Variants in XIAP observed in about 807,000 individuals in gnomAD.
XIAP encodes the protein E3 ubiquitin-protein ligase XIAP.
Under a neutral mutation model 33.1 loss-of-function variants are expected in XIAP, and 3 were observed. That is an observed-to-expected ratio of 0.09 (90% CI 0.04 to 0.23). XIAP has a LOEUF of 0.23. Ranked by LOEUF, XIAP falls within the 10% of genes least tolerant of loss-of-function variation. The pLI is 1.00. For synonymous variants in XIAP, 98 were observed against 121.3 expected (o/e 0.81, Z 1.26); for missense variants, 264 against 363.0 (o/e 0.73, Z 2.22).
intron 1 of XIAP, among the ~76,000 whole-genome samples, chrX:123,876,096 C>G (rs1202493398): frequency 1.8e-5 from 2 of 111,642 alleles, no homozygotes; most frequent in Non-Finnish European, 3.8e-5. Flanking sequence ...TCACTGTAAC[C>G]TGGAATTCCT....
At chrX:123,871,887 G>C (rs1366302942) in intron 1 of XIAP, among the ~76,000 whole-genome samples, 6 of 110,406 alleles carry the variant, frequency 5.4e-5, no homozygotes, top group Non-Finnish European at 1.1e-4. Context: ...AGGATCACGA[G>C]GTCAGGAGAT....
At chrX:123,860,700 A>G (rs973191112) in intron 1 of XIAP, among the ~76,000 whole-genome samples, 2 of 112,379 alleles carry the variant, frequency 1.8e-5, no homozygotes, top group East Asian at 5.6e-4. Context: ...GGAAGAGGAA[A>G]TTAGCTGGTG....
At chrX:123,861,844 C>T (rs960766504) in intron 1 of XIAP, among the ~76,000 whole-genome samples, 3 of 111,538 alleles carry the variant, frequency 2.7e-5, no homozygotes, top group African/African-American at 6.5e-5. Flanking sequence ...ATTGGATACT[C>T]ATGTTTCGTT....
chrX:123,913,464 C>T lies in XIAP; in HGVS notation c.*6283C>T, dbSNP rs2053625771. 1 of 327,047 alleles carries T rather than the reference C, an allele frequency of 3.1e-6. No homozygotes were observed. Among genetic ancestry groups the T allele is most frequent in the Admixed American group, 3.1e-5 (1 of 31,915 alleles). 27.0% of individuals were successfully genotyped at this position (327,047 alleles called of 1,213,427 possible). A position where few individuals can be genotyped will look rare whatever the true frequency, so the allele number is the denominator to read the frequency against. ...CAGCCTAGGTGATAGAGTGAGACTCCCTCTCAAAAACAAAACAAAACAAAA... is the reference window on the plus strand; with the variant it reads ...CAGCCTAGGTGATAGAGTGAGACTCTCTCTCAAAAACAAAACAAAACAAAA... On this transcript the variant is annotated 3_prime_UTR_variant, in exon 7 of 7. Transcript: ENST00000371199.
At position 123,878,381 on chromosome X, in the gene XIAP, T is replaced by C. The variant is rs188298053; in HGVS notation, c.-32-7250T>C. ...TCCAGAAACAACCCCAGTAACCATTTGTAGTCACTTCCTATTTCCCCCTCC... is the reference window on the plus strand; with the variant it reads ...TCCAGAAACAACCCCAGTAACCATTCGTAGTCACTTCCTATTTCCCCCTCC... On this transcript the variant is annotated intron_variant, in intron 1 of 6. Transcript: ENST00000371199. Among the ~76,000 whole-genome samples the C allele has an allele frequency of 1.5e-4, 17 of 111,927 alleles. No homozygotes were observed. The East Asian group carries it at 4.7e-3, about 31-fold the overall frequency.
chrX:123,912,664 G>A lies in XIAP; in HGVS notation c.*5483G>A. ...TAAATAAAGTATGTGATGAAGATGT[G>A]CATACATTATATGCAAATACTGTTT... On this transcript the variant is annotated 3_prime_UTR_variant, in exon 7 of 7. Transcript: ENST00000371199. 1 of 313,936 alleles carries A rather than the reference G, an allele frequency of 3.2e-6. No homozygotes were observed. The highest frequency in any genetic ancestry group is 6.0e-6 in the Non-Finnish European group (1 of 166,050). The allele number at this position is 313,936 out of a possible 1,213,427, so 25.9% of individuals were successfully genotyped here.
intron 1 of XIAP, among the ~76,000 whole-genome samples, chrX:123,880,837 A>G (rs2053297677): frequency 9.2e-6 from 1 of 109,195 alleles, no homozygotes; most frequent in Non-Finnish European, 1.9e-5. Context: ...CCACCTCCAC[A>G]TTCCCACATT....
intron 6 of XIAP, among the ~76,000 whole-genome samples, chrX:123,904,710 A>AGGT (rs1238742328): frequency 2.2e-4 from 25 of 112,019 alleles, no homozygotes; most frequent in Non-Finnish European, 4.5e-4. Flanking sequence ...TGCAACCTCT[A>AGGT]TCTCTCAGGT....
At chrX:123,897,091 C>G (rs771887082) in intron 5 of XIAP, among the ~76,000 whole-genome samples, 1 of 109,268 alleles carries the variant, frequency 9.2e-6, no homozygotes, top group South Asian at 3.9e-4. Context: ...ACCACCATGC[C>G]TGGCTAATTT....
intron 6 of XIAP, 100 bp downstream of exon 6, chrX:123,900,793 A>AT (rs1304651661): frequency 2.6e-6 from 2 of 759,134 alleles, no homozygotes; most frequent in Non-Finnish European, 4.1e-6. Flanking sequence ...GGATATGGAC[A>AT]TTTTTTAAAC....
chrX:123,895,575 A>T (rs576255671), intron 5 of XIAP, among the ~76,000 whole-genome samples: 1 of 111,899 alleles, frequency 8.9e-6, no homozygotes, highest in South Asian at 3.7e-4. Flanking sequence ...CCAGAAGTGT[A>T]TGAGGATTTC....
At chrX:123,902,793 TG>T (rs2053525218) in intron 6 of XIAP, among the ~76,000 whole-genome samples, 2 of 112,185 alleles carry the variant, frequency 1.8e-5, no homozygotes, top group Admixed American at 1.9e-4. Flanking sequence ...TCTTTCCATA[TG>T]AATCTGCTCT....
At chrX:123,888,292 G>A (rs1798233464) in intron 2 of XIAP, among the ~76,000 whole-genome samples, 1 of 111,980 alleles carries the variant, frequency 8.9e-6, no homozygotes, top group Admixed American at 9.6e-5. Context: ...CCAAGACTGC[G>A]CCATTGCACT....
intron 1 of XIAP, among the ~76,000 whole-genome samples, chrX:123,863,225 C>T (rs1424857030): frequency 4.5e-5 from 5 of 110,884 alleles, no homozygotes; most frequent in East Asian, 2.9e-4. Flanking sequence ...CTGAGGTGGG[C>T]GGATCACCTG....
At position 123,910,673 on chromosome X, in the gene XIAP, TC is replaced by T. The variant is rs1007312833; in HGVS notation, c.*3494del. 9.6e-6 allele frequency: 3 copies of T among 313,975 alleles called. No homozygotes were observed. Among genetic ancestry groups the T allele is most frequent in the African/African-American group, 8.2e-5 (3 of 36,724 alleles). The allele number at this position is 313,975 out of a possible 1,213,427, so 25.9% of individuals were successfully genotyped here. On this transcript the variant is annotated 3_prime_UTR_variant, in exon 7 of 7. Coordinates refer to ENST00000371199, the MANE Select transcript of XIAP (RefSeq NM_001167.4). The stretch of plus-strand genomic sequence containing the variant: ...TCACGAGGTCAGGAGATCGAGACCA[TC>T]CTGGCTAACACGGTGAAACCCCGTC...
intron 5 of XIAP, among the ~76,000 whole-genome samples, chrX:123,897,179 C>T (rs763890074): frequency 1.8e-5 from 2 of 110,915 alleles, no homozygotes; most frequent in South Asian, 3.8e-4. Context: ...CCGCCTGCCT[C>T]GGACTCCCAA....
chrX:123,885,918 G>T lies in XIAP; in HGVS notation c.256G>T (p.Val86Leu). The T allele has an allele frequency of 8.3e-7, 1 of 1,211,699 alleles. No individual in the cohort carries two copies. Among genetic ancestry groups the T allele is most frequent in the Non-Finnish European group, 1.1e-6 (1 of 895,553 alleles). Reference protein sequence around the residue: ...GDSAVGRHRKVSPNCRFINGF... With the variant: ...GDSAVGRHRKLSPNCRFINGF... The stretch of plus-strand genomic sequence containing the variant: ...CTCAGCAGTTGGAAGACACAGGAAA[G>T]TATCCCCAAATTGCAGATTTATCAA... Residue 86 changes from valine (V) to leucine (L), a missense_variant, in exon 2 of 7, where the codon GTA becomes TTA. Transcript: ENST00000371199.
At chrX:123,904,238 G>A (rs982720429) in intron 6 of XIAP, among the ~76,000 whole-genome samples, 1 of 111,126 alleles carries the variant, frequency 9.0e-6, no homozygotes, top group African/African-American at 3.3e-5. Flanking sequence ...CGCCCAGCCT[G>A]TTTGTTTGTT....
chrX:123,885,270 AATC>A (rs2053341348), intron 1 of XIAP, among the ~76,000 whole-genome samples: 1 of 112,166 alleles, frequency 8.9e-6, no homozygotes, highest in Non-Finnish European at 1.9e-5. Context: ...AGATTTTAAT[AATC>A]TGCATATTTT....
Sources: allele counts gnomAD v4.1 joint callset (sites outside exome capture counted in the v4.1 genomes callset), GRCh38; gene constraint gnomAD v4.1.1; transcripts MANE v1.5; gene names NCBI Gene and HGNC (gene_info 2026-07-23, HGNC 2026-07-21).